DNAH12: variants seen among roughly 807,000 people sequenced by gnomAD.
DNAH12 encodes the protein dynein axonemal heavy chain 12.
In DNAH12, 285 loss-of-function variants were observed where a neutral mutation model predicts 371.5. The ratio of observed to expected loss-of-function variants is 0.77; its 90% CI spans 0.70 to 0.85. The LOEUF (loss-of-function observed/expected upper bound fraction) is 0.85. DNAH12 is among the 40% of genes least tolerant of loss of function. The pLI is 0.00. For missense variants in DNAH12, 3,611 were observed against 3,689.4 expected (o/e 0.98, Z 0.55); for synonymous variants, 1,200 against 1,213.0 (o/e 0.99, Z 0.22).
upstream of DNAH12, among the ~76,000 whole-genome samples, chr3:57,548,232 A>G (rs2069594010): frequency 6.6e-6 from 1 of 152,206 alleles, no homozygotes; most frequent in African/African-American, 2.4e-5. Context: ...GTTCATATAA[A>G]TGTAATGCAA....
At chr3:57,333,388 T>C (rs1363812869) in intron 62 of DNAH12, among the ~76,000 whole-genome samples, 1 of 148,522 alleles carries the variant, frequency 6.7e-6, no homozygotes, top group Non-Finnish European at 1.5e-5. Flanking sequence ...TGTAGCGCAG[T>C]GGTGCGATCT....
chr3:57,377,488 C>T (rs2063304229), intron 52 of DNAH12, among the ~76,000 whole-genome samples: 1 of 152,000 alleles, frequency 6.6e-6, no homozygotes, highest in Non-Finnish European at 1.5e-5. Flanking sequence ...GCAAAAATGT[C>T]ACAAGATGTC....
At chr3:57,449,344 C>T (rs1003630258) in intron 25 of DNAH12, among the ~76,000 whole-genome samples, 7 of 152,228 alleles carry the variant, frequency 4.6e-5, no homozygotes, top group Non-Finnish European at 7.3e-5. Context: ...GCTGTGCGCT[C>T]GCACTCCTCA....
chr3:57,343,666 G>A (rs1439091892), intron 60 of DNAH12, among the ~76,000 whole-genome samples: 1 of 152,142 alleles, frequency 6.6e-6, no homozygotes, highest in African/African-American at 2.4e-5. Flanking sequence ...TTAGTAAAAG[G>A]GGAAAGCCTC....
At chr3:57,297,487 C>T (rs912874888) in intron 70 of DNAH12, among the ~76,000 whole-genome samples, 5 of 151,660 alleles carry the variant, frequency 3.3e-5, no homozygotes, top group Non-Finnish European at 7.4e-5. Flanking sequence ...TCCTGAGTAG[C>T]TGGGATTACA....
chr3:57,457,605 G>C, intron 22 of DNAH12, 116 bp downstream of exon 22: 3 of 1,158,022 alleles, frequency 2.6e-6, no homozygotes, highest in Non-Finnish European at 3.5e-6. Flanking sequence ...AAGAAGTAAA[G>C]AAAATAAATG....
intron 16 of DNAH12, 60 bp downstream of exon 16, chr3:57,470,383 T>C: frequency 6.9e-7 from 1 of 1,441,040 alleles, no homozygotes; most frequent in Admixed American, 2.8e-5. Context: ...AAAATCAATT[T>C]ATATTTTACA....
chr3:57,457,176 A>G (rs1006993333), intron 22 of DNAH12, among the ~76,000 whole-genome samples: 42 of 152,168 alleles, frequency 2.8e-4, no homozygotes, highest in African/African-American at 9.2e-4. Flanking sequence ...AAATCAGACT[A>G]TGTCCCTTCC....
At chr3:57,301,159 T>A in intron 70 of DNAH12, among the ~76,000 whole-genome samples, 1 of 149,510 alleles carries the variant, frequency 6.7e-6, no homozygotes, top group East Asian at 2.0e-4. Flanking sequence ...TGGTGGCACA[T>A]GCCTGTAGTT....
intron 72 of DNAH12, among the ~76,000 whole-genome samples, chr3:57,295,951 A>AT (rs1559529591): frequency 6.6e-6 from 1 of 152,142 alleles, no homozygotes; most frequent in African/African-American, 2.4e-5. Context: ...TTTATTGTAA[A>AT]TATTTATTTA....
intron 11 of DNAH12, among the ~76,000 whole-genome samples, chr3:57,493,438 T>C (rs926643065): frequency 6.6e-6 from 1 of 152,222 alleles, no homozygotes; most frequent in Non-Finnish European, 1.5e-5. Context: ...CCATTTTATA[T>C]GAGACTTGAG....
chr3:57,490,830 T>C (rs1390951450), intron 11 of DNAH12, among the ~76,000 whole-genome samples: 1 of 152,178 alleles, frequency 6.6e-6, no homozygotes, highest in African/African-American at 2.4e-5. Context: ...GGCTCACGCC[T>C]GTAATCCCAG....
chr3:57,316,540 C>T (rs2061689307), intron 65 of DNAH12, among the ~76,000 whole-genome samples: 1 of 152,110 alleles, frequency 6.6e-6, no homozygotes, highest in South Asian at 2.1e-4. Flanking sequence ...TGCCAAATCC[C>T]ACCTCCAACA....
intron 69 of DNAH12, among the ~76,000 whole-genome samples, chr3:57,304,358 C>A (rs2061425499): frequency 6.6e-6 from 1 of 152,140 alleles, no homozygotes; most frequent in Non-Finnish European, 1.5e-5. Flanking sequence ...CACCTATGAC[C>A]TCGGGTCCTC....
intron 25 of DNAH12, among the ~76,000 whole-genome samples, chr3:57,449,522 C>T (rs1401069899): frequency 1.3e-5 from 2 of 152,224 alleles, no homozygotes; most frequent in Non-Finnish European, 2.9e-5. Context: ...GGTGAGAAAT[C>T]GAGCGCAGCG....
chr3:57,372,604 C>CTA lies in DNAH12; in HGVS notation c.8759+2765_8759+2766dup, dbSNP rs1189262634. ...ATTATACTGTTGAAAGATATTTACG[C>CTA]TATATATATAATAGCATAAAATTAT... is the stretch of plus-strand genomic sequence containing the variant. On this transcript the variant is annotated intron_variant, in intron 55 of 73. Coordinates refer to ENST00000495027, the MANE Select transcript of DNAH12 (RefSeq NM_001366028.2). 2.7e-3 allele frequency among the ~76,000 whole-genome samples: 413 copies of CTA among 151,842 alleles called. 11 individuals are homozygous for CTA. The highest frequency in any genetic ancestry group is 0.026 in the Admixed American group (402 of 15,254).
intron 44 of DNAH12, among the ~76,000 whole-genome samples, chr3:57,393,341 A>G (rs1575538344): frequency 6.6e-6 from 1 of 152,100 alleles, no homozygotes; most frequent in African/African-American, 2.4e-5. Flanking sequence ...AATGAGGTCT[A>G]AAGTGGCCGG....
chr3:57,397,706 T>A (rs2063774142), intron 43 of DNAH12, among the ~76,000 whole-genome samples: 1 of 152,118 alleles, frequency 6.6e-6, no homozygotes, highest in South Asian at 2.1e-4. Flanking sequence ...TCAAAAGCAC[T>A]CATACATGCA....
chr3:57,309,622 T>C (rs2061545591), intron 68 of DNAH12, 44 bp downstream of exon 68: 2 of 1,391,922 alleles, frequency 1.4e-6, no homozygotes, highest in South Asian at 3.6e-5. Flanking sequence ...TTCAGTATCA[T>C]TTTTATTTAT....
Sources: gnomAD v4.1 joint callset for allele counts (sites outside exome capture counted in the v4.1 genomes callset) on GRCh38, gnomAD v4.1.1 for gene constraint, MANE v1.5 for transcripts, NCBI Gene and HGNC (gene_info 2026-07-23, HGNC 2026-07-21) for gene names.